Variants in PTPRT observed in about 807,000 individuals in gnomAD.
PTPRT encodes protein tyrosine phosphatase receptor type T.
Under a neutral mutation model 176.8 loss-of-function variants are expected in PTPRT, and 56 were observed. That is an observed-to-expected ratio of 0.32 (90% CI 0.26 to 0.40). The LOEUF (loss-of-function observed/expected upper bound fraction) is 0.40, where lower values mean the gene tolerates loss of function less well. Among genes scored for constraint, PTPRT ranks in the 10% least tolerant of loss-of-function variants. The pLI, the probability that PTPRT is intolerant of heterozygous loss-of-function variation, is 1.00. For missense variants in PTPRT, 1,540 were observed against 1,908.2 expected, an observed-to-expected ratio of 0.81 and a Z score of 3.60; for synonymous variants, 783 against 739.0, an observed-to-expected ratio of 1.06 and a Z score of -0.96.
At chr20:42,644,462 A>G (rs1055071048) in intron 7 of PTPRT, among the ~76,000 whole-genome samples, 3 of 152,030 alleles carry the variant, frequency 2.0e-5, no homozygotes, top group Non-Finnish European at 2.9e-5. Flanking sequence ...TCCTTTGTCT[A>G]TGTTCATGCC....
At chr20:42,157,717 T>C (rs1377058410) in intron 17 of PTPRT, among the ~76,000 whole-genome samples, 1 of 152,132 alleles carries the variant, frequency 6.6e-6, no homozygotes, top group Admixed American at 6.5e-5. Flanking sequence ...TCCCCTCTCC[T>C]AGAAAGTGGG....
At chr20:43,079,682 G>C (rs1028666355) in intron 1 of PTPRT, among the ~76,000 whole-genome samples, 3 of 151,950 alleles carry the variant, frequency 2.0e-5, no homozygotes, top group African/African-American at 7.3e-5. Context: ...TTATTATTGT[G>C]GTACAAAAGA....
intron 7 of PTPRT, among the ~76,000 whole-genome samples, chr20:42,676,075 T>C (rs1265929586): frequency 1.3e-5 from 2 of 152,220 alleles, no homozygotes; most frequent in Admixed American, 1.3e-4. Flanking sequence ...GTTAACAATG[T>C]CATCTTCATT....
chr20:42,195,791 GTGTCTGTGTAAAT>G (rs1402784665), intron 16 of PTPRT, among the ~76,000 whole-genome samples: 2 of 151,784 alleles, frequency 1.3e-5, no homozygotes, highest in Non-Finnish European at 2.9e-5. Flanking sequence ...GTATATTTAC[GTGTCTGTGTAAAT>G]ATAAAACACA....
chr20:42,167,689 C>G (rs551038338), intron 16 of PTPRT, among the ~76,000 whole-genome samples: 1 of 152,170 alleles, frequency 6.6e-6, no homozygotes, highest in Non-Finnish European at 1.5e-5. Flanking sequence ...GTCACCTGCA[C>G]AGAGTGGGGA....
chr20:43,012,206 C>G (rs565132983), intron 1 of PTPRT, among the ~76,000 whole-genome samples: 1 of 152,246 alleles, frequency 6.6e-6, no homozygotes, highest in South Asian at 2.1e-4. Flanking sequence ...TCTAGCGAAC[C>G]CTGACTAATA....
At chr20:42,926,319 C>G (rs914062070) in intron 1 of PTPRT, among the ~76,000 whole-genome samples, 5 of 152,232 alleles carry the variant, frequency 3.3e-5, no homozygotes, top group African/African-American at 7.2e-5. Context: ...ATACTGCCCT[C>G]TCCCAGGTCA....
intron 9 of PTPRT, among the ~76,000 whole-genome samples, chr20:42,362,472 T>A (rs1248645460): frequency 6.6e-6 from 1 of 151,056 alleles, no homozygotes; most frequent in Non-Finnish European, 1.5e-5. Flanking sequence ...TTCAGAAGTG[T>A]CAAGGTCATA....
intron 1 of PTPRT, among the ~76,000 whole-genome samples, chr20:42,991,885 A>C (rs1983931868): frequency 6.6e-6 from 1 of 152,206 alleles, no homozygotes; most frequent in South Asian, 2.1e-4. Flanking sequence ...AGGTTCAAAC[A>C]ATCCCAGCCC....
Position 42,470,488 on chromosome 20 carries a change from G to A in PTPRT, c.1450+1778C>T, listed in dbSNP as rs1003569569. Among the ~76,000 whole-genome samples the A allele has an allele frequency of 3.9e-5, 6 of 152,206 alleles. No individual in the cohort carries two copies. The South Asian group carries it at 1.2e-3, about 32-fold the overall frequency. ...CTTTCTTAATCAGTCACATGCACAC[G>A]AATCTTCATCTGAGTCTGATTCTCA... On this transcript the variant is annotated intron_variant, in intron 8 of 30. Coordinates refer to ENST00000373187, the MANE Select transcript of PTPRT (RefSeq NM_007050.6).
chr20:42,531,071 C>T (rs1036518146), intron 7 of PTPRT, among the ~76,000 whole-genome samples: 12 of 152,290 alleles, frequency 7.9e-5, no homozygotes, highest in Admixed American at 3.9e-4. Flanking sequence ...GACCCACCTG[C>T]GGTTTGGAAG....
chr20:42,259,002 A>T (rs2056698035), intron 13 of PTPRT, among the ~76,000 whole-genome samples: 1 of 152,180 alleles, frequency 6.6e-6, no homozygotes, highest in Non-Finnish European at 1.5e-5. Flanking sequence ...TACAACTAAA[A>T]CTGCTAAATA....
At chr20:42,973,429 C>G (rs1360889414) in intron 1 of PTPRT, among the ~76,000 whole-genome samples, 1 of 151,926 alleles carries the variant, frequency 6.6e-6, no homozygotes, top group African/African-American at 2.4e-5. Context: ...ACTTCTTTAT[C>G]CCATCCTCTC....
At chr20:42,147,951 A>G (rs1280316954) in intron 17 of PTPRT, among the ~76,000 whole-genome samples, 1 of 152,070 alleles carries the variant, frequency 6.6e-6, no homozygotes, top group African/African-American at 2.4e-5. Context: ...TCTTGAAGCA[A>G]AAAAAATATG....
chr20:42,826,941 A>G (rs1210287630), intron 2 of PTPRT, among the ~76,000 whole-genome samples: 1 of 152,184 alleles, frequency 6.6e-6, no homozygotes, highest in Non-Finnish European at 1.5e-5. Flanking sequence ...TTATCCAGCC[A>G]AAGATCAAAA....
chr20:42,591,934 C>A (rs1279289819), intron 7 of PTPRT, among the ~76,000 whole-genome samples: 1 of 151,330 alleles, frequency 6.6e-6, no homozygotes, highest in African/African-American at 2.4e-5. Context: ...GTCTCTGTGG[C>A]CACCAGAGTC....
intron 5 of PTPRT, among the ~76,000 whole-genome samples, chr20:42,757,371 G>A (rs78417926): frequency 0.01 from 1,562 of 152,282 alleles, 32 homozygotes; most frequent in African/African-American, 0.036. Flanking sequence ...CCCTGTGGCT[G>A]GTGCCCTGCT....
chr20:42,916,491 T>G (rs139944469), intron 1 of PTPRT, among the ~76,000 whole-genome samples: 4,636 of 152,282 alleles, frequency 0.03, 153 homozygotes, highest in African/African-American at 0.083. Context: ...GTAATGGGAT[T>G]GCTGGGTTAA....
At position 43,001,370 on chromosome 20, in the gene PTPRT, C is replaced by T. The variant is rs563436929; in HGVS notation, c.89-115438G>A. Among the ~76,000 whole-genome samples the T allele has an allele frequency of 2.3e-4, 35 of 152,036 alleles. No homozygotes were observed. In the East Asian group the frequency reaches 6.8e-3, roughly 29 times the overall value. ...TCTAAATAATTATGGCATAGTTATA[C>T]AACTTTTTAATTGTTAAACTTTATT... On this transcript the variant is annotated intron_variant, in intron 1 of 30. Coordinates refer to ENST00000373187, the MANE Select transcript of PTPRT (RefSeq NM_007050.6).
Sources: gnomAD v4.1 joint callset for allele counts (sites outside exome capture counted in the v4.1 genomes callset) on GRCh38, gnomAD v4.1.1 for gene constraint, MANE v1.5 for transcripts, NCBI Gene and HGNC (gene_info 2026-07-23, HGNC 2026-07-21) for gene names.